Variants in KCNK12 observed in about 807,000 individuals in gnomAD.
KCNK12 encodes the protein potassium two pore domain channel subfamily K member 12.
A neutral mutation model predicts 25.3 loss-of-function variants in KCNK12; 6 were observed. That is an observed-to-expected ratio of 0.24 (90% CI 0.13 to 0.47). KCNK12 has a LOEUF of 0.47. KCNK12 is among the 20% of genes least tolerant of loss of function. The pLI, the probability that KCNK12 is intolerant of heterozygous loss-of-function variation, is 0.99. For synonymous variants in KCNK12, 331 were observed against 311.1 expected, an observed-to-expected ratio of 1.06 and a Z score of -0.67; for missense variants, 444 against 661.7, an observed-to-expected ratio of 0.67 and a Z score of 3.61.
Position 47,521,456 on chromosome 2 carries a change from G to A in KCNK12, c.744C>T (p.Tyr248=), listed in dbSNP as rs758781119. 3.1e-6 allele frequency: 5 copies of A among 1,612,882 alleles called. No homozygotes were observed. The highest frequency in any genetic ancestry group is 1.1e-5 in the South Asian group (1 of 90,780). ...VEGWDYVDSL[Y]FCFVTFSTIG... ...TGGTGCTGAAGGTGACGAAGCAGAA[G>A]TAGAGCGAGTCCACGTAGTCCCAGC... The change falls in exon 2 of 2, where the codon TAC becomes TAT. Residue 248 remains tyrosine, a synonymous_variant. Transcript: ENST00000327876.
intron 1 of KCNK12, among the ~76,000 whole-genome samples, chr2:47,558,165 A>G (rs1363956454): frequency 1.3e-5 from 2 of 152,256 alleles, no homozygotes. Context: ...GCCCTGTGCC[A>G]GGCACTGGAG....
Position 47,538,600 on chromosome 2 carries a change from G to T in KCNK12, c.392-16792C>A, listed in dbSNP as rs1365225403. Among the ~76,000 whole-genome samples the T allele has an allele frequency of 6.6e-6, 1 of 152,176 alleles. No homozygotes were observed. The highest frequency in any genetic ancestry group is 1.5e-5 in the Non-Finnish European group (1 of 67,996). ...AGCCTGGCCAACATGGTGAAACCCC[G>T]TCTCTACTAAAAATACAAAAATTAG... On this transcript the variant is annotated intron_variant, in intron 1 of 1. Transcript: ENST00000327876. The surrounding 1 kb of genome is among the most constrained non-coding windows in gnomAD (Gnocchi z 4.5).
rs1179998530 is a variant in KCNK12 at position 47,520,135 on chromosome 2, C to A, written c.*772G>T. 2 of 152,254 alleles carry A rather than the reference C, an allele frequency of 1.3e-5. No individual in the cohort carries two copies. The highest frequency in any genetic ancestry group is 2.4e-5 in the African/African-American group (1 of 41,458). The allele number at this position is 152,254 out of a possible 1,614,324, so 9.4% of individuals were successfully genotyped here. A position where few individuals can be genotyped will look rare whatever the true frequency, so the allele number is the denominator to read the frequency against. The stretch of plus-strand genomic sequence containing the variant: ...GATCTGCCGATCCGAGCCTGGAGAT[C>A]AGCCAGCTAAAAGCCCAGCAGGGCT... On this transcript the variant is annotated 3_prime_UTR_variant, in exon 2 of 2. Coordinates refer to ENST00000327876, the MANE Select transcript of KCNK12 (RefSeq NM_022055.2). This position sits in a 1 kb window ranked among gnomAD's most constrained non-coding sequence, Gnocchi z 5.0.
chr2:47,512,661 C>A lies in KCNK12; in HGVS notation c.*8246G>T. 1.9e-6 allele frequency: 1 copy of A among 518,892 alleles called. No homozygotes were observed. The allele number at this position is 518,892 out of a possible 1,614,324, so 32.1% of individuals were successfully genotyped here. On this transcript the variant is annotated 3_prime_UTR_variant, in exon 2 of 2. Transcript: ENST00000327876. ...TAATGGGATGATGTGCCCTTGTACACCCACTGCCTCTGAACTCTGCTCTGC... is the reference window on the plus strand; with the variant it reads ...TAATGGGATGATGTGCCCTTGTACAACCACTGCCTCTGAACTCTGCTCTGC...
Position 47,515,103 on chromosome 2 carries a change from C to T in KCNK12, c.*5804G>A, listed in dbSNP as rs913282079. 3.3e-5 allele frequency among the ~76,000 whole-genome samples: 5 copies of T among 152,180 alleles called. No homozygotes were observed. Among genetic ancestry groups the T allele is most frequent in the African/African-American group, 1.2e-4 (5 of 41,442 alleles). On this transcript the variant is annotated 3_prime_UTR_variant, in exon 2 of 2. Transcript: ENST00000327876. Reference sequence around the variant, plus strand: ...TACTTTATGCAGGTAAAACAGCCACCTGTGCCCATCACATAGCTGGGGCAC... The same window carrying T: ...TACTTTATGCAGGTAAAACAGCCACTTGTGCCCATCACATAGCTGGGGCAC...
Position 47,521,579 on chromosome 2 carries a change from C to T in KCNK12, c.621G>A (p.Ala207=), listed in dbSNP as rs1261974702. The part of the protein sequence containing the change: ...GSALSEADSL[A]GWKPSVYHVL... Reference sequence around the variant, plus strand: ...CGTGGTACACCGAGGGCTTCCAGCCCGCCAGGCTGTCGGCCTCCGAGAGCG... The same window carrying T: ...CGTGGTACACCGAGGGCTTCCAGCCTGCCAGGCTGTCGGCCTCCGAGAGCG... Residue 207 remains alanine (A), a synonymous_variant, in exon 2 of 2, where the codon GCG becomes GCA. Transcript: ENST00000327876. 1.3e-6 allele frequency: 2 copies of T among 1,559,132 alleles called. No individual in the cohort carries two copies. Among genetic ancestry groups the T allele is most frequent in the Non-Finnish European group, 1.7e-6 (2 of 1,151,468 alleles).
intron 1 of KCNK12, among the ~76,000 whole-genome samples, chr2:47,532,958 C>T (rs1668967619): frequency 6.6e-6 from 1 of 152,196 alleles, no homozygotes; most frequent in Non-Finnish European, 1.5e-5. Flanking sequence ...ACATTCCTTA[C>T]CTTCTCGGAC....
intron 1 of KCNK12, among the ~76,000 whole-genome samples, chr2:47,553,370 A>G (rs1311082131): frequency 6.6e-6 from 1 of 152,200 alleles, no homozygotes; most frequent in Non-Finnish European, 1.5e-5. Context: ...TTCCTCAGTG[A>G]TTTATCACTG....
At position 47,566,260 on chromosome 2, in the gene KCNK12, GACAA is replaced by G. The variant is rs1669784793; in HGVS notation, c.391+3677_391+3680del. The stretch of plus-strand genomic sequence containing the variant: ...GGGCCCTGTTCAAACCAAATATCAG[GACAA>G]ACATTCTACTTCATTGTGGTGTTCC... On this transcript the variant is annotated intron_variant, in intron 1 of 1. Transcript: ENST00000327876. The surrounding 1 kb of genome is among the most constrained non-coding windows in gnomAD (Gnocchi z 4.1). The G allele has an allele frequency of 1.3e-5, 2 of 152,154 alleles. No homozygotes were observed. Among genetic ancestry groups the G allele is most frequent in the Non-Finnish European group, 2.9e-5 (2 of 68,050 alleles). The allele number at this position is 152,154 out of a possible 1,614,324, so 9.4% of individuals were successfully genotyped here. A position where few individuals can be genotyped will look rare whatever the true frequency, so the allele number is the denominator to read the frequency against.
intron 1 of KCNK12, among the ~76,000 whole-genome samples, chr2:47,524,345 A>G (rs1218064217): frequency 1.3e-5 from 2 of 152,230 alleles, no homozygotes; most frequent in Non-Finnish European, 2.9e-5. Flanking sequence ...ATGATTGTCT[A>G]TTCATAAAAA....
At chr2:47,532,041 C>T (rs143176058) in intron 1 of KCNK12, among the ~76,000 whole-genome samples, 10 of 151,894 alleles carry the variant, frequency 6.6e-5, no homozygotes, top group African/African-American at 1.9e-4. Context: ...AGCGCGACTC[C>T]GTCTCAAAAA....
chr2:47,515,444 A>G lies in KCNK12; in HGVS notation c.*5463T>C, dbSNP rs780908540. Among the ~76,000 whole-genome samples the G allele has an allele frequency of 3.9e-5, 6 of 152,202 alleles. No individual in the cohort carries two copies. The highest frequency in any genetic ancestry group is 8.8e-5 in the Non-Finnish European group (6 of 68,048). On this transcript the variant is annotated 3_prime_UTR_variant, in exon 2 of 2. Coordinates refer to ENST00000327876, the MANE Select transcript of KCNK12 (RefSeq NM_022055.2). ...TGATTTTTTACACAAAAAATTTGCA[A>G]CCTCCAGCATAAATGGGTTAAAACA...
chr2:47,540,625 T>C lies in KCNK12; in HGVS notation c.392-18817A>G, dbSNP rs770503389. Among the ~76,000 whole-genome samples, 2 of 152,188 alleles carry C rather than the reference T, an allele frequency of 1.3e-5. No individual in the cohort carries two copies. Among genetic ancestry groups the C allele is most frequent in the Non-Finnish European group, 2.9e-5 (2 of 68,030 alleles). On this transcript the variant is annotated intron_variant, in intron 1 of 1. Transcript: ENST00000327876. The surrounding 1 kb of genome is among the most constrained non-coding windows in gnomAD (Gnocchi z 5.4). The stretch of plus-strand genomic sequence containing the variant: ...AAGAAAAGCCATCACTGCCGATGTC[T>C]CTCTTTAAAGATCTGTTAGGCTAGG...
chr2:47,554,111 A>G (rs1669500228), intron 1 of KCNK12, among the ~76,000 whole-genome samples: 1 of 152,226 alleles, frequency 6.6e-6, no homozygotes, highest in African/African-American at 2.4e-5. Context: ...TTCCCATTTT[A>G]TAAATGTTAA....
chr2:47,534,432 G>GCCCCCCC (rs11406660), intron 1 of KCNK12, among the ~76,000 whole-genome samples: 18 of 117,404 alleles, frequency 1.5e-4, no homozygotes, highest in African/African-American at 2.5e-4. Flanking sequence ...CCGTCTCCAG[G>GCCCCCCC]CCCCCCCCAC....
intron 1 of KCNK12, among the ~76,000 whole-genome samples, chr2:47,539,880 A>G (rs1669159664): frequency 6.6e-6 from 1 of 152,344 alleles, no homozygotes; most frequent in South Asian, 2.1e-4. Flanking sequence ...CGTTTTCTTT[A>G]TCTCAGAGAG....
In KCNK12 at chr2:47,533,702, A is replaced by T. The variant is rs563839211; in HGVS notation, c.392-11894T>A. ...CATCTTTTCCAGTCCCCAAAGTGAG[A>T]GTGTGTGTGTGTGGGAGAGATATTT... On this transcript the variant is annotated intron_variant, in intron 1 of 1. Coordinates refer to ENST00000327876, the MANE Select transcript of KCNK12 (RefSeq NM_022055.2). The surrounding 1 kb of genome is among the most constrained non-coding windows in gnomAD (Gnocchi z 4.7). 2.6e-5 allele frequency among the ~76,000 whole-genome samples: 4 copies of T among 151,846 alleles called. No individual in the cohort carries two copies. In the South Asian group the frequency reaches 8.3e-4, roughly 32 times the overall value.
chr2:47,552,038 A>G (rs1324447549), intron 1 of KCNK12, among the ~76,000 whole-genome samples: 1 of 152,152 alleles, frequency 6.6e-6, no homozygotes, highest in African/African-American at 2.4e-5. Context: ...GAAGGTCAGG[A>G]ACTGAGATAG....
intron 1 of KCNK12, among the ~76,000 whole-genome samples, chr2:47,532,748 A>G (rs1222803383): frequency 6.6e-6 from 1 of 152,164 alleles, no homozygotes; most frequent in Non-Finnish European, 1.5e-5. Flanking sequence ...CCAGCATCCA[A>G]GCCTAGCACC....
Sources: gnomAD v4.1 joint callset for allele counts (sites outside exome capture counted in the v4.1 genomes callset) on GRCh38, gnomAD v4.1.1 for gene constraint, Gnocchi (gnomAD v3.1) non-coding constraint, MANE v1.5 for transcripts, NCBI Gene and HGNC (gene_info 2026-07-23, HGNC 2026-07-21) for gene names.